Variants in ARHGAP26 observed in about 807,000 individuals in gnomAD.
ARHGAP26 encodes the protein rho GTPase-activating protein 26.
Under a neutral mutation model 104.8 loss-of-function variants are expected in ARHGAP26, and 38 were observed. That is an observed-to-expected ratio of 0.36 (90% CI 0.28 to 0.48). The LOEUF is 0.48. Among genes scored for constraint, ARHGAP26 ranks in the 20% least tolerant of loss-of-function variants. ARHGAP26 has a pLI of 0.99. For synonymous variants in ARHGAP26, 341 were observed against 340.0 expected (o/e 1.00, Z -0.03); for missense variants, 704 against 947.9 (o/e 0.74, Z 3.38).
chr5:142,771,424 G>A (rs902534117), intron 1 of ARHGAP26: 6 of 1,231,612 alleles, frequency 4.9e-6, no homozygotes, highest in East Asian at 6.3e-5. Context: ...GCCTAGTCAG[G>A]CCGCCGGGTT....
intron 17 of ARHGAP26, among the ~76,000 whole-genome samples, chr5:143,093,239 T>G (rs1265015712): frequency 1.3e-5 from 2 of 152,160 alleles, no homozygotes; most frequent in Non-Finnish European, 2.9e-5. Context: ...CTTTCTGCTT[T>G]CTTCTGTTAG....
chr5:143,222,156 T>C (rs1488351218), intron 22 of ARHGAP26, among the ~76,000 whole-genome samples: 4 of 152,206 alleles, frequency 2.6e-5, no homozygotes, highest in Non-Finnish European at 2.9e-5. Flanking sequence ...AGAAGGCTTA[T>C]ATTCCACAAA....
intron 20 of ARHGAP26, chr5:143,173,035 A>C (rs1232854124): frequency 5.6e-6 from 1 of 178,776 alleles, no homozygotes; most frequent in Non-Finnish European, 1.2e-5. Context: ...TATTCCGTGT[A>C]CGTGAGACCT....
chr5:143,003,581 A>T (rs1777499258), intron 11 of ARHGAP26, among the ~76,000 whole-genome samples: 2 of 152,206 alleles, frequency 1.3e-5, no homozygotes, highest in South Asian at 4.1e-4. Flanking sequence ...AGAATGAAAA[A>T]TTTTATTTGG....
At chr5:143,197,675 C>T (rs1807078426) in intron 20 of ARHGAP26, among the ~76,000 whole-genome samples, 1 of 152,204 alleles carries the variant, frequency 6.6e-6, no homozygotes. Context: ...GATATGCCCT[C>T]TCTATGCCCT....
intron 11 of ARHGAP26, among the ~76,000 whole-genome samples, chr5:143,012,548 C>CACATATATATATATATATGTATATAT (rs1778926293): frequency 8.6e-5 from 2 of 23,352 alleles, no homozygotes; most frequent in Non-Finnish European, 2.1e-4. Flanking sequence ...TATATACATA[C>CACATATATATATATATATGTATATAT]ATACATATAT....
intron 15 of ARHGAP26, among the ~76,000 whole-genome samples, chr5:143,055,353 G>C (rs764877558): frequency 3.9e-5 from 6 of 152,196 alleles, no homozygotes; most frequent in Non-Finnish European, 8.8e-5. Flanking sequence ...AGAGTCAAGA[G>C]TAAGATATAA....
intron 1 of ARHGAP26, among the ~76,000 whole-genome samples, chr5:142,803,624 G>A (rs963169360): frequency 2.0e-5 from 3 of 152,106 alleles, no homozygotes; most frequent in African/African-American, 4.8e-5. Flanking sequence ...CCGAACATGC[G>A]ACAAGGAGGA....
intron 20 of ARHGAP26, chr5:143,147,582 A>G (rs1017949167): frequency 1.8e-6 from 1 of 564,006 alleles, no homozygotes; most frequent in Non-Finnish European, 3.0e-6. Flanking sequence ...TTCTTAACAT[A>G]CTGCTTCTTA....
intron 1 of ARHGAP26, among the ~76,000 whole-genome samples, chr5:142,792,232 G>A (rs1384122615): frequency 1.3e-5 from 2 of 152,164 alleles, no homozygotes; most frequent in East Asian, 3.9e-4. Context: ...ACCTTTTGCA[G>A]GATTTAATAT....
chr5:143,139,805 T>C (rs1294182909), intron 19 of ARHGAP26, among the ~76,000 whole-genome samples: 1 of 152,150 alleles, frequency 6.6e-6, no homozygotes, highest in Non-Finnish European at 1.5e-5. Context: ...AGATACACCA[T>C]CCAGCAGAGA....
chr5:142,944,598 A>G (rs905161077), intron 11 of ARHGAP26, among the ~76,000 whole-genome samples: 3 of 152,218 alleles, frequency 2.0e-5, no homozygotes, highest in African/African-American at 7.2e-5. Flanking sequence ...CTGAGAGTGG[A>G]AAATTGTATC....
intron 5 of ARHGAP26, among the ~76,000 whole-genome samples, chr5:142,892,697 T>G (rs1369984877): frequency 6.7e-6 from 1 of 149,888 alleles, no homozygotes; most frequent in Non-Finnish European, 1.5e-5. Flanking sequence ...TTTATTGATA[T>G]GTAATAATCA....
rs546071432 is a variant in ARHGAP26 at position 143,140,630 on chromosome 5, AG to A, written c.1837+6526del. Among the ~76,000 whole-genome samples, 36 of 152,218 alleles carry A rather than the reference AG, an allele frequency of 2.4e-4. No homozygotes were observed. In the South Asian group the frequency reaches 7.0e-3, roughly 30 times the overall value. ...CCCTTTGGAGCCTGCAGATTCCAAAAGAGAGGCCCATATGTGAGGGAAATGC... is the reference window on the plus strand; with the variant it reads ...CCCTTTGGAGCCTGCAGATTCCAAAAAGAGGCCCATATGTGAGGGAAATGC... On this transcript the variant is annotated intron_variant, in intron 19 of 22. Transcript: ENST00000645722.
rs943532610 is a variant in ARHGAP26 at position 142,962,829 on chromosome 5, A to G, written c.1107+30704A>G. 2.6e-5 allele frequency among the ~76,000 whole-genome samples: 4 copies of G among 152,216 alleles called. No individual in the cohort carries two copies. In the East Asian group the frequency reaches 7.7e-4, roughly 29 times the overall value. On this transcript the variant is annotated intron_variant, in intron 11 of 22. Coordinates refer to ENST00000645722, the MANE Select transcript of ARHGAP26 (RefSeq NM_001135608.3). ...TAACTTTTATTTTAAGTTCAGGGGTACATGTGCAGGTTTGTTACCTAGGTA... is the reference window on the plus strand; with the variant it reads ...TAACTTTTATTTTAAGTTCAGGGGTGCATGTGCAGGTTTGTTACCTAGGTA...
At chr5:142,918,349 G>A (rs1447911741) in intron 10 of ARHGAP26, among the ~76,000 whole-genome samples, 3 of 152,172 alleles carry the variant, frequency 2.0e-5, no homozygotes, top group African/African-American at 7.2e-5. Flanking sequence ...GTTTCACCAT[G>A]TTGGCCAGGC....
At chr5:142,997,489 G>A (rs1219299701) in intron 11 of ARHGAP26, among the ~76,000 whole-genome samples, 1 of 151,978 alleles carries the variant, frequency 6.6e-6, no homozygotes, top group Admixed American at 6.6e-5. Context: ...GCTCATTGCA[G>A]CCTCGATCCC....
chr5:142,845,891 G>A (rs1771844850), intron 1 of ARHGAP26, among the ~76,000 whole-genome samples: 1 of 152,080 alleles, frequency 6.6e-6, no homozygotes, highest in South Asian at 2.1e-4. Context: ...TGGTCAGGCT[G>A]CATCCTTTTC....
At chr5:143,170,159 A>T (rs1802569095) in intron 20 of ARHGAP26, 1 of 152,152 alleles carries the variant, frequency 6.6e-6, no homozygotes, top group East Asian at 1.9e-4. Flanking sequence ...CATTTTAATG[A>T]CAGTGTTGTG....
Sources: allele counts gnomAD v4.1 joint callset (sites outside exome capture counted in the v4.1 genomes callset), GRCh38; gene constraint gnomAD v4.1.1; transcripts MANE v1.5; gene names NCBI Gene and HGNC (gene_info 2026-07-23, HGNC 2026-07-21).